Variants in GCH1 observed in about 807,000 individuals in gnomAD.
GCH1 encodes the protein GTP cyclohydrolase 1.
In GCH1, 5 loss-of-function variants were observed where a neutral mutation model predicts 25.9. The ratio of observed to expected loss-of-function variants is 0.19; its 90% CI spans 0.10 to 0.41. The LOEUF (loss-of-function observed/expected upper bound fraction) is 0.41, where lower values mean the gene tolerates loss of function less well. Among genes scored for constraint, GCH1 ranks in the 10% least tolerant of loss-of-function variants. The pLI, the probability that GCH1 is intolerant of heterozygous loss-of-function variation, is 1.00. For synonymous variants in GCH1, 159 were observed against 129.6 expected (o/e 1.23, Z -1.54); for missense variants, 261 against 336.5 (o/e 0.78, Z 1.75).
chr14:54,879,555 C>G (rs10133650), intron 1 of GCH1, among the ~76,000 whole-genome samples: 68,719 of 151,634 alleles, frequency 0.45, 17,215 homozygotes, highest in African/African-American at 0.68. Flanking sequence ...CAATGAAAGT[C>G]AGTAAATTTG....
At chr14:54,849,790 T>C (rs1222358953) in intron 3 of GCH1, among the ~76,000 whole-genome samples, 1 of 152,212 alleles carries the variant, frequency 6.6e-6, no homozygotes, top group Non-Finnish European at 1.5e-5. Context: ...TCTACCTGTC[T>C]TTGCGCTGCA....
At chr14:54,894,080 T>A (rs1566683338) in intron 1 of GCH1, among the ~76,000 whole-genome samples, 1 of 152,194 alleles carries the variant, frequency 6.6e-6, no homozygotes, top group Non-Finnish European at 1.5e-5. Context: ...TCCTACTAAT[T>A]TTTTTAATAA....
chr14:54,886,492 G>A (rs1390811076), intron 1 of GCH1, among the ~76,000 whole-genome samples: 1 of 152,114 alleles, frequency 6.6e-6, no homozygotes, highest in Non-Finnish European at 1.5e-5. Context: ...GGTGCCTGTA[G>A]TCCCAGCTGC....
At chr14:54,869,488 C>T (rs2040038066) in intron 1 of GCH1, among the ~76,000 whole-genome samples, 1 of 152,004 alleles carries the variant, frequency 6.6e-6, no homozygotes, top group Non-Finnish European at 1.5e-5. Context: ...AAAATAAAAA[C>T]TTTCTTTTTG....
At chr14:54,902,237 G>A in intron 1 of GCH1, 84 bp downstream of exon 1, 1 of 1,457,808 alleles carries the variant, frequency 6.9e-7, no homozygotes, top group South Asian at 1.2e-5. Flanking sequence ...AGGCAACTCC[G>A]GAAACTTCCT....
In GCH1 at chr14:54,842,145, G is replaced by T. The variant is rs1481291611; in HGVS notation, c.*1872C>A. ...TCAAATTCTTAAAAATCCCCCAAAT[G>T]GACTCAAGATCATGGATATGAAAAG... is the stretch of plus-strand genomic sequence containing the variant. On this transcript the variant is annotated 3_prime_UTR_variant, in exon 6 of 6. Coordinates refer to ENST00000491895, the MANE Select transcript of GCH1 (RefSeq NM_000161.3). 1 of 152,168 alleles carries T rather than the reference G, an allele frequency of 6.6e-6. No individual in the cohort carries two copies. The highest frequency in any genetic ancestry group is 1.9e-4 in the East Asian group (1 of 5,196). 9.4% of individuals were successfully genotyped at this position (152,168 alleles called of 1,614,324 possible).
chr14:54,870,080 T>C (rs1441930320), intron 1 of GCH1, among the ~76,000 whole-genome samples: 3 of 152,132 alleles, frequency 2.0e-5, no homozygotes, highest in Admixed American at 6.6e-5. Flanking sequence ...GTGATGGAAA[T>C]AGTTCCTATC....
At chr14:54,853,484 T>A (rs1303112603) in intron 3 of GCH1, among the ~76,000 whole-genome samples, 2 of 152,202 alleles carry the variant, frequency 1.3e-5, no homozygotes, top group East Asian at 1.9e-4. Context: ...TTCCAGTGGA[T>A]TCTCACTAGA....
At chr14:54,872,565 A>G (rs1017292472) in intron 1 of GCH1, among the ~76,000 whole-genome samples, 6 of 152,126 alleles carry the variant, frequency 3.9e-5, no homozygotes, top group Non-Finnish European at 5.9e-5. Flanking sequence ...ATTGGATAAA[A>G]AGTCAAGACC....
chr14:54,870,679 A>T (rs2040059894), intron 1 of GCH1, among the ~76,000 whole-genome samples: 1 of 152,210 alleles, frequency 6.6e-6, no homozygotes, highest in Admixed American at 6.5e-5. Context: ...CGATCTTAGC[A>T]AACGGCACAC....
chr14:54,871,562 G>T (rs138350694), intron 1 of GCH1, among the ~76,000 whole-genome samples: 2,388 of 152,258 alleles, frequency 0.016, 35 homozygotes, highest in South Asian at 0.047. Flanking sequence ...GCTAAAGGAG[G>T]AATTTCGAAC....
chr14:54,877,952 T>G (rs1441255197), intron 1 of GCH1, among the ~76,000 whole-genome samples: 17 of 152,186 alleles, frequency 1.1e-4, no homozygotes, highest in Non-Finnish European at 1.5e-5. Context: ...TCCCAGAAGA[T>G]CCTGAAGCTC....
At chr14:54,850,876 C>G (rs1334921186) in intron 3 of GCH1, among the ~76,000 whole-genome samples, 1 of 152,186 alleles carries the variant, frequency 6.6e-6, no homozygotes, top group East Asian at 1.9e-4. Context: ...TCCAGTCTAT[C>G]ACTGATGGAC....
intron 4 of GCH1, 109 bp downstream of exon 4, chr14:54,846,990 A>C (rs1299902189): frequency 5.9e-6 from 3 of 507,334 alleles, no homozygotes; most frequent in African/African-American, 3.9e-5. Context: ...AGATTGCACC[A>C]CTGCACTCCA....
intron 1 of GCH1, among the ~76,000 whole-genome samples, chr14:54,900,369 C>T (rs2040547147): frequency 1.3e-5 from 2 of 151,322 alleles, no homozygotes; most frequent in African/African-American, 4.9e-5. Context: ...GCCATCACAC[C>T]CGGCTAATTT....
At chr14:54,891,041 G>A (rs2140113151) in intron 1 of GCH1, among the ~76,000 whole-genome samples, 1 of 152,190 alleles carries the variant, frequency 6.6e-6, no homozygotes, top group South Asian at 2.1e-4. Flanking sequence ...GTTACCCTTG[G>A]TCAAACATGG....
intron 3 of GCH1, among the ~76,000 whole-genome samples, chr14:54,847,475 T>A (rs1432618940): frequency 2.6e-5 from 4 of 152,154 alleles, no homozygotes; most frequent in Non-Finnish European, 5.9e-5. Flanking sequence ...CAGAAATATA[T>A]GAAAAGGCAA....
chr14:54,896,756 T>C (rs983085630), intron 1 of GCH1, among the ~76,000 whole-genome samples: 1 of 145,120 alleles, frequency 6.9e-6, no homozygotes, highest in Non-Finnish European at 1.5e-5. Context: ...ACTAAAAAAA[T>C]ACAAAAAAAA....
chr14:54,873,397 G>T (rs2040110094), intron 1 of GCH1, among the ~76,000 whole-genome samples: 3 of 152,158 alleles, frequency 2.0e-5, no homozygotes, highest in East Asian at 1.9e-4. Flanking sequence ...AAGCAGGAAA[G>T]ATCTAAAATT....
Sources: gnomAD v4.1 joint callset for allele counts (sites outside exome capture counted in the v4.1 genomes callset) on GRCh38, gnomAD v4.1.1 for gene constraint, MANE v1.5 for transcripts, NCBI Gene and HGNC (gene_info 2026-07-23, HGNC 2026-07-21) for gene names.